VCP: variants seen among roughly 807,000 people sequenced by gnomAD.
VCP encodes the protein transitional endoplasmic reticulum ATPase.
In VCP, 6 loss-of-function variants were observed where a neutral mutation model predicts 85.7. The observed-to-expected ratio is 0.07, with a 90% confidence interval of 0.04 to 0.14. The LOEUF (loss-of-function observed/expected upper bound fraction) is 0.14. Among genes scored for constraint, VCP ranks in the 10% least tolerant of loss-of-function variants. VCP has a pLI of 1.00. For missense variants in VCP, 353 were observed against 1,043.4 expected (o/e 0.34, Z 9.12); for synonymous variants, 384 against 367.1 (o/e 1.05, Z -0.53).
chr9:35,060,520 A>T lies in VCP; in HGVS notation c.1488T>A (p.Pro496=). 6.2e-7 allele frequency: 1 copy of T among 1,614,088 alleles called. No homozygotes were observed. The highest frequency in any genetic ancestry group is 8.5e-7 in the Non-Finnish European group (1 of 1,180,032). ...TCAGGAATTTGTCTGGGTGCTCCAC[A>T]GGATACTAGGAGGAAAAGGAAAGAG... ...KRELQELVQY[P]VEHPDKFLKF... Residue 496 remains proline, a synonymous_variant, in exon 13 of 17, where the codon CCT becomes CCA. Coordinates refer to ENST00000358901, the MANE Select transcript of VCP (RefSeq NM_007126.5).
intron 5 of VCP, 122 bp from the exon 6 acceptor site, chr9:35,064,407 C>A: frequency 7.5e-7 from 1 of 1,325,182 alleles, no homozygotes. Context: ...GATTCTCAAC[C>A]CGGCATGGTG....
chr9:35,061,280 C>G (rs1426966745), intron 10 of VCP, 101 bp from the exon 11 acceptor site: 74 of 1,497,934 alleles, frequency 4.9e-5, no homozygotes, highest in Non-Finnish European at 6.5e-5. Flanking sequence ...TCCCTGGGTC[C>G]TCTCATTTCC....
Position 35,072,316 on chromosome 9 carries a change from G to T in VCP, c.17+21C>A, listed in dbSNP as rs1197947470. 4 of 1,483,806 alleles carry T rather than the reference G, an allele frequency of 2.7e-6. No homozygotes were observed. The East Asian group carries it at 8.5e-5, about 32-fold the overall frequency. 91.9% of individuals were successfully genotyped at this position (1,483,806 alleles called of 1,614,324 possible). On this transcript the variant is annotated intron_variant, in intron 1 of 16. Coordinates refer to ENST00000358901, the MANE Select transcript of VCP (RefSeq NM_007126.5). ...CCCGGTGCGCGCCGCCGCAGCAAGC[G>T]AACGGCGCGCGCACACTCACTCGGC... is the stretch of plus-strand genomic sequence containing the variant.
Position 35,060,305 on chromosome 9 carries a change from T to C in VCP, c.1695+8A>G, listed in dbSNP as rs684562. 0.65 allele frequency: 1,054,928 copies of C among 1,613,318 alleles called. 362,752 individuals are homozygous for C. Among genetic ancestry groups the C allele is most frequent in the Non-Finnish European group, 0.72 (844,768 of 1,179,394 alleles). On this transcript the variant is annotated splice_region_variant and intron_variant, in intron 13 of 16. Transcript: ENST00000358901. ...AATCAATACATAGTTCAGCCTATTG[T>C]AGCTCACCTTGTCAAAGATTTCTCT...
chr9:35,064,410 G>A lies in VCP; in HGVS notation c.577-125C>T, dbSNP rs927781902. The A allele has an allele frequency of 2.0e-5, 26 of 1,285,400 alleles. No homozygotes were observed. The African/African-American group carries it at 2.9e-4, about 15-fold the overall frequency. The allele number at this position is 1,285,400 out of a possible 1,614,324, so 79.6% of individuals were successfully genotyped here. On this transcript the variant is annotated intron_variant, in intron 5 of 16. Transcript: ENST00000358901. ...ACCGTATAAGAAGATTCTCAACCCG[G>A]CATGGTGGCTCACATCTGTAATCCC...
rs937447991 is a variant in VCP at position 35,059,360 on chromosome 9, A to T, written c.2004+133T>A. 1.2e-5 allele frequency: 18 copies of T among 1,527,088 alleles called. No individual in the cohort carries two copies. The African/African-American group carries it at 2.5e-4, about 21-fold the overall frequency. 94.6% of individuals were successfully genotyped at this position (1,527,088 alleles called of 1,614,324 possible). On this transcript the variant is annotated intron_variant, in intron 14 of 16. Coordinates refer to ENST00000358901, the MANE Select transcript of VCP (RefSeq NM_007126.5). The surrounding 1 kb of genome is among the most constrained non-coding windows in gnomAD (Gnocchi z 4.9). ...TTATTCCTGATTCTAGATTATCTTG[A>T]TATCCTCAAAAATTCTACCTTCCCT...
intron 3 of VCP, 76 bp from the exon 4 acceptor site, chr9:35,066,893 A>G: frequency 1.2e-6 from 2 of 1,607,316 alleles, no homozygotes; most frequent in South Asian, 2.2e-5. Flanking sequence ...AGGGCCTGGC[A>G]CAGATAGCTG....
rs118166920 is a variant in VCP at position 35,060,024 on chromosome 9, C to A, written c.1696-223G>T. ...ACGCATGCCTATAGTCCCAGCTACT[C>A]AGGAGGCTGAAGTAGGAGAATTGCT... On this transcript the variant is annotated intron_variant, in intron 13 of 16. Transcript: ENST00000358901. 0.054 allele frequency: 36,313 copies of A among 669,680 alleles called. 1,757 individuals carry two copies. The highest frequency in any genetic ancestry group is 0.21 in the Admixed American group (7,226 of 34,986). 41.5% of individuals were successfully genotyped at this position (669,680 alleles called of 1,614,324 possible).
In VCP at chr9:35,072,362, C is replaced by T. The variant is rs930753526; in HGVS notation, c.-9G>A. 9 of 1,478,310 alleles carry T rather than the reference C, an allele frequency of 6.1e-6. No homozygotes were observed. The highest frequency in any genetic ancestry group is 5.9e-5 in the African/African-American group (4 of 68,044). 91.6% of individuals were successfully genotyped at this position (1,478,310 alleles called of 1,614,324 possible). A position where few individuals can be genotyped will look rare whatever the true frequency, so the allele number is the denominator to read the frequency against. On this transcript the variant is annotated 5_prime_UTR_variant, in exon 1 of 17. Coordinates refer to ENST00000358901, the MANE Select transcript of VCP (RefSeq NM_007126.5). Reference sequence around the variant, plus strand: ...TCGGCTCCAGAAGCCATGGCGCGCGCCTCTCCCGGCCGGCGGCTGTGGCGG... The same window carrying T: ...TCGGCTCCAGAAGCCATGGCGCGCGTCTCTCCCGGCCGGCGGCTGTGGCGG...
chr9:35,058,836 C>T (rs1323998811), intron 15 of VCP, among the ~76,000 whole-genome samples: 1 of 152,194 alleles, frequency 6.6e-6, no homozygotes, highest in Non-Finnish European at 1.5e-5. Flanking sequence ...ACTTTGATTT[C>T]CCTCATGGAG....
rs773881101 is a variant in VCP at position 35,061,066 on chromosome 9, G to A, written c.1308C>T (p.Thr436=). 1 of 1,614,110 alleles carries A rather than the reference G, an allele frequency of 6.2e-7. No homozygotes were observed. The highest frequency in any genetic ancestry group is 8.5e-7 in the Non-Finnish European group (1 of 1,180,022). The change falls in exon 11 of 17, where the codon ACC becomes ACT. Residue 436 remains threonine, a synonymous_variant. Transcript: ENST00000358901. ...GAGAGTTCATGACCTCGGCATCAATGGTCTCATCCTCTAGGTCAATGAGAT... is the reference window on the plus strand; with the variant it reads ...GAGAGTTCATGACCTCGGCATCAATAGTCTCATCCTCTAGGTCAATGAGAT... ...KMDLIDLEDE[T]IDAEVMNSLA...
Position 35,060,881 on chromosome 9 carries a change from C to T in VCP, c.1402G>A (p.Val468Met), listed in dbSNP as rs779392075. The T allele has an allele frequency of 4.3e-6, 7 of 1,614,046 alleles. No individual in the cohort carries two copies. Among genetic ancestry groups the T allele is most frequent in the South Asian group, 1.1e-5 (1 of 91,078 alleles). ...QSNPSALRETVVEVPQVTWED... is the reference protein window; with the variant it reads ...QSNPSALRETMVEVPQVTWED... ...CAGGTTACCTGTGGCACCTCTACCA[C>T]GGTTTCCCGCAGTGCTGATGGGTTA... Residue 468 changes from valine (V) to methionine (M), a missense_variant, in exon 12 of 17, where the codon GTG (valine) becomes ATG (methionine). Transcript: ENST00000358901.
At position 35,059,154 on chromosome 9, in the gene VCP, A is replaced by T; in HGVS notation, c.2070T>A (p.Ile690=). The change falls in exon 15 of 17, where the codon ATT becomes ATA. Residue 690 remains isoleucine (I), a synonymous_variant. Transcript: ENST00000358901. The surrounding 1 kb of genome is among the most constrained non-coding windows in gnomAD (Gnocchi z 4.9). ...NGFSGADLTE[I]CQRACKLAIR... is the part of the protein sequence containing the mutation. ...TGGCCAGCTTGCAAGCACGCTGGCA[A>T]ATCTCTGTCAGGTCAGCTCCAGAGA... is the stretch of plus-strand genomic sequence containing the variant. 3 of 1,614,096 alleles carry T rather than the reference A, an allele frequency of 1.9e-6. No homozygotes were observed. The highest frequency in any genetic ancestry group is 2.5e-6 in the Non-Finnish European group (3 of 1,180,028).
Position 35,059,458 on chromosome 9 carries a change from T to A in VCP, c.2004+35A>T. On this transcript the variant is annotated intron_variant, in intron 14 of 16. Transcript: ENST00000358901. This position sits in a 1 kb window ranked among gnomAD's most constrained non-coding sequence, Gnocchi z 4.9. ...CACTCCGTACCAGCCTGAGGACTCA[T>A]GCAAGTCTCCCACAGCCCATGATCT... The A allele has an allele frequency of 5.6e-6, 9 of 1,612,230 alleles. No homozygotes were observed. Among genetic ancestry groups the A allele is most frequent in the Non-Finnish European group, 7.6e-6 (9 of 1,179,484 alleles).
chr9:35,070,690 C>G (rs1300352614), intron 1 of VCP, among the ~76,000 whole-genome samples: 2 of 152,190 alleles, frequency 1.3e-5, no homozygotes, highest in African/African-American at 4.8e-5. Context: ...CCTGCCTCGG[C>G]CTCCCAAAAT....
Position 35,060,782 on chromosome 9 carries a change from C to G in VCP, c.1482+19G>C. The G allele has an allele frequency of 3.1e-6, 5 of 1,614,130 alleles. No individual in the cohort carries two copies. The highest frequency in any genetic ancestry group is 4.2e-6 in the Non-Finnish European group (5 of 1,179,996). ...CAATGTACTGAGACAGTGACTCACC[C>G]TGGACCAAGTTGCCCTACCTGGACC... On this transcript the variant is annotated intron_variant, in intron 12 of 16. Transcript: ENST00000358901.
Position 35,061,057 on chromosome 9 carries a change from G to A in VCP, c.1317C>T (p.Ala439=), listed in dbSNP as rs1009713233. 7 of 1,614,026 alleles carry A rather than the reference G, an allele frequency of 4.3e-6. No homozygotes were observed. Among genetic ancestry groups the A allele is most frequent in the African/African-American group, 4.0e-5 (3 of 74,990 alleles). ...TAACTGCTAGAGAGTTCATGACCTC[G>A]GCATCAATGGTCTCATCCTCTAGGT... ...LIDLEDETID[A]EVMNSLAVTM... The change falls in exon 11 of 17, where the codon GCC becomes GCT. Residue 439 remains alanine, a synonymous_variant. Coordinates refer to ENST00000358901, the MANE Select transcript of VCP (RefSeq NM_007126.5).
intron 1 of VCP, among the ~76,000 whole-genome samples, chr9:35,069,614 G>C (rs916746615): frequency 6.6e-6 from 1 of 152,074 alleles, no homozygotes; most frequent in African/African-American, 2.4e-5. Context: ...CACCACACCT[G>C]GCTAATTTTG....
intron 13 of VCP, chr9:35,060,027 G>A: frequency 1.5e-6 from 1 of 668,304 alleles, no homozygotes; most frequent in South Asian, 1.9e-5. Context: ...AGCTACTCAG[G>A]AGGCTGAAGT....
Sources: allele counts gnomAD v4.1 joint callset (sites outside exome capture counted in the v4.1 genomes callset), GRCh38; gene constraint gnomAD v4.1.1; non-coding constraint Gnocchi (gnomAD v3.1); transcripts MANE v1.5; gene names NCBI Gene and HGNC (gene_info 2026-07-23, HGNC 2026-07-21).